Variants in SLC15A5 observed in about 807,000 individuals in gnomAD.
The protein encoded by SLC15A5 is solute carrier family 15 member 5.
A neutral mutation model predicts 56.1 loss-of-function variants in SLC15A5; 58 were observed. That is an observed-to-expected ratio of 1.03 (90% CI 0.84 to 1.29). The LOEUF (loss-of-function observed/expected upper bound fraction) is 1.29, where lower values mean the gene tolerates loss of function less well. Ranked by LOEUF, SLC15A5 falls within the 50% of genes most tolerant of loss-of-function variation. The pLI is 0.00. For missense variants in SLC15A5, 681 were observed against 672.1 expected (o/e 1.01, Z -0.15); for synonymous variants, 264 against 250.5 (o/e 1.05, Z -0.51).
intron 1 of SLC15A5, among the ~76,000 whole-genome samples, chr12:16,275,411 G>T (rs1298314368): frequency 6.6e-6 from 1 of 151,966 alleles, no homozygotes; most frequent in Admixed American, 6.6e-5. Flanking sequence ...AATAAGTTTG[G>T]ATTTCATTTT....
chr12:16,194,779 T>C (rs1420656225), intron 7 of SLC15A5, among the ~76,000 whole-genome samples: 1 of 152,060 alleles, frequency 6.6e-6, no homozygotes. Flanking sequence ...TTTATCCTTA[T>C]ATTTGTAGTA....
At position 16,268,538 on chromosome 12, in the gene SLC15A5, T is replaced by C. The variant is rs118055739; in HGVS notation, c.584+4023A>G. 1.3e-3 allele frequency among the ~76,000 whole-genome samples: 197 copies of C among 152,360 alleles called. 6 individuals carry two copies. In the East Asian group the frequency reaches 0.027, roughly 21 times the overall value. The stretch of plus-strand genomic sequence containing the variant: ...CATGAACTGCTTTGATTTTGTTTGC[T>C]GAAATGTACCTTATAAATTATGATT... On this transcript the variant is annotated intron_variant, in intron 2 of 8. Coordinates refer to ENST00000344941, the MANE Select transcript of SLC15A5 (RefSeq NM_001170798.1).
intron 1 of SLC15A5, 45 bp from the exon 2 acceptor site, chr12:16,272,828 T>C (rs962353797): frequency 6.3e-5 from 93 of 1,465,426 alleles, no homozygotes; most frequent in Non-Finnish European, 8.5e-5. Context: ...ATAGAACAAG[T>C]GGATCACCAA....
chr12:16,189,810 C>A lies in SLC15A5; in HGVS notation c.1598G>T (p.Cys533Phe). The A allele has an allele frequency of 6.7e-7, 1 of 1,485,352 alleles. No individual in the cohort carries two copies. 92.0% of individuals were successfully genotyped at this position (1,485,352 alleles called of 1,614,324 possible). Residue 533 changes from cysteine to phenylalanine, a missense_variant, in exon 9 of 9, where the codon TGT becomes TTT. Coordinates refer to ENST00000344941, the MANE Select transcript of SLC15A5 (RefSeq NM_001170798.1). ...LGFCSVSQRY[C>F]NLNHFNAQNI... Reference sequence around the variant, plus strand: ...CTGGGCATTAAAATGATTTAGATTACAATATCTAAAAAAGAAAGAAAGAAA... The same window carrying A: ...CTGGGCATTAAAATGATTTAGATTAAAATATCTAAAAAAGAAAGAAAGAAA...
chr12:16,197,642 A>G (rs1863906838), intron 7 of SLC15A5, among the ~76,000 whole-genome samples: 1 of 152,096 alleles, frequency 6.6e-6, no homozygotes, highest in African/African-American at 2.4e-5. Context: ...CACAAACCTT[A>G]GATTATCACC....
At chr12:16,220,792 A>G (rs1252974191) in intron 6 of SLC15A5, among the ~76,000 whole-genome samples, 2 of 152,188 alleles carry the variant, frequency 1.3e-5, no homozygotes, top group African/African-American at 2.4e-5. Context: ...CAGAGATGCT[A>G]TAAGCTATAA....
At chr12:16,229,541 A>G (rs1254776962) in intron 5 of SLC15A5, among the ~76,000 whole-genome samples, 2 of 151,934 alleles carry the variant, frequency 1.3e-5, no homozygotes, top group African/African-American at 4.8e-5. Flanking sequence ...ATGTGTTTCA[A>G]TTACTTCATT....
intron 4 of SLC15A5, among the ~76,000 whole-genome samples, chr12:16,241,206 T>C (rs375786825): frequency 2.6e-5 from 4 of 152,182 alleles, no homozygotes; most frequent in African/African-American, 9.7e-5. Flanking sequence ...CCAAGTCTTC[T>C]TGAGGAATGG....
chr12:16,270,388 C>A (rs1334851322), intron 2 of SLC15A5, among the ~76,000 whole-genome samples: 1 of 152,206 alleles, frequency 6.6e-6, no homozygotes, highest in East Asian at 1.9e-4. Flanking sequence ...GGCTGAAATT[C>A]GTTATATTTA....
In SLC15A5 at chr12:16,190,126, C is replaced by T. The variant is rs540621452; in HGVS notation, c.1593-311G>A. Among the ~76,000 whole-genome samples the T allele has an allele frequency of 1.1e-3, 175 of 152,222 alleles. 1 individual carries two copies. The highest frequency in any genetic ancestry group is 3.9e-3 in the African/African-American group (161 of 41,548). On this transcript the variant is annotated intron_variant, in intron 8 of 8. Coordinates refer to ENST00000344941, the MANE Select transcript of SLC15A5 (RefSeq NM_001170798.1). ...CCTATTGACTTGACAGATTTCATGG[C>T]GGTCAGGATGCATAAGAGGTTTACT...
chr12:16,270,841 G>T (rs1021295073), intron 2 of SLC15A5, among the ~76,000 whole-genome samples: 2 of 152,120 alleles, frequency 1.3e-5, no homozygotes, highest in Admixed American at 6.5e-5. Context: ...AGTAAGGTAA[G>T]TGAACATTCA....
At chr12:16,233,630 G>T (rs927242956) in intron 5 of SLC15A5, among the ~76,000 whole-genome samples, 1 of 152,288 alleles carries the variant, frequency 6.6e-6, no homozygotes, top group East Asian at 1.9e-4. Context: ...GGCCTAGAGA[G>T]AAATTGTGGC....
Position 16,277,567 on chromosome 12 carries a change from A to T in SLC15A5, c.119T>A (p.Ile40Asn). 1 of 1,536,502 alleles carries T rather than the reference A, an allele frequency of 6.5e-7. No individual in the cohort carries two copies. Among genetic ancestry groups the T allele is most frequent in the Non-Finnish European group, 8.7e-7 (1 of 1,146,438 alleles). ...CAGAAGCAAGCAGATTCCAACCTGA[A>T]TTTTTTTCACAGAGTGTGAGGAACA... Reference protein sequence around the residue: ...DLCSSHSVKKIQVGICLLLVE... With the variant: ...DLCSSHSVKKNQVGICLLLVE... The change falls in exon 1 of 9, where the codon ATT becomes AAT. Residue 40 changes from isoleucine to asparagine, a missense_variant. Ile to Asn is a moderately radical substitution (Grantham distance 149, BLOSUM62 -3). Transcript: ENST00000344941.
chr12:16,226,163 TC>T (rs2136250316), intron 5 of SLC15A5, among the ~76,000 whole-genome samples: 1 of 152,338 alleles, frequency 6.6e-6, no homozygotes, highest in East Asian at 1.9e-4. Flanking sequence ...TAACCTATGC[TC>T]CTCTTCCTCT....
At chr12:16,242,126 A>G (rs572707476) in intron 4 of SLC15A5, among the ~76,000 whole-genome samples, 2 of 152,342 alleles carry the variant, frequency 1.3e-5, no homozygotes, top group South Asian at 4.1e-4. Context: ...ATGTCTTGCA[A>G]CTGAAGGTCA....
chr12:16,256,885 AAT>A lies in SLC15A5; in HGVS notation c.754+814_754+815del, dbSNP rs1274515699. Among the ~76,000 whole-genome samples the A allele has an allele frequency of 2.6e-4, 38 of 144,600 alleles. No individual in the cohort carries two copies. In the South Asian group the frequency reaches 7.0e-3, roughly 27 times the overall value. The allele number at this position is 144,600 out of a possible 152,430, so 94.9% of individuals were successfully genotyped here. On this transcript the variant is annotated intron_variant, in intron 3 of 8. Coordinates refer to ENST00000344941, the MANE Select transcript of SLC15A5 (RefSeq NM_001170798.1). ...AAAAAAAAAAATAATAATAATAATA[AAT>A]TAAATAGAGATAGAGATGCATGGGG...
chr12:16,189,931 A>C, intron 8 of SLC15A5, 116 bp from the exon 9 acceptor site: 1 of 727,804 alleles, frequency 1.4e-6, no homozygotes, highest in Non-Finnish European at 2.0e-6. Context: ...ATACTGGCAC[A>C]ACAGTGACGA....
Position 16,269,752 on chromosome 12 carries a change from C to T in SLC15A5, c.584+2809G>A, listed in dbSNP as rs1864731220. 1.3e-5 allele frequency among the ~76,000 whole-genome samples: 2 copies of T among 152,128 alleles called. No individual in the cohort carries two copies. The highest frequency in any genetic ancestry group is 4.8e-5 in the African/African-American group (2 of 41,414). On this transcript the variant is annotated intron_variant, in intron 2 of 8. Transcript: ENST00000344941. This position sits in a 1 kb window ranked among gnomAD's most constrained non-coding sequence, Gnocchi z 4.7. Reference sequence around the variant, plus strand: ...CTTTTAATCATGTATATAATTCACCCTAGTAACCCCTTAGCAACAGACTGT... The same window carrying T: ...CTTTTAATCATGTATATAATTCACCTTAGTAACCCCTTAGCAACAGACTGT...
intron 8 of SLC15A5, among the ~76,000 whole-genome samples, chr12:16,193,826 A>C (rs1863865252): frequency 1.9e-5 from 2 of 106,648 alleles, no homozygotes; most frequent in South Asian, 5.2e-4. Context: ...AGAGAGAGAG[A>C]GAGAGAGAGA....
Sources: gnomAD v4.1 joint callset for allele counts (sites outside exome capture counted in the v4.1 genomes callset) on GRCh38, gnomAD v4.1.1 for gene constraint, Gnocchi (gnomAD v3.1) non-coding constraint, MANE v1.5 for transcripts, NCBI Gene and HGNC (gene_info 2026-07-23, HGNC 2026-07-21) for gene names.